ZNF804B: variants seen among roughly 807,000 people sequenced by gnomAD.
The protein encoded by ZNF804B is zinc finger 804B.
A neutral mutation model predicts 101.4 loss-of-function variants in ZNF804B; 80 were observed. The observed-to-expected ratio is 0.79, with a 90% CI of 0.66 to 0.95. The LOEUF is 0.95. Ranked by LOEUF, ZNF804B falls within the 40% of genes least tolerant of loss-of-function variation. The probability of loss-of-function intolerance (pLI) is 0.00; values close to 1 mark genes in which losing one functional copy is unlikely to be tolerated. For synonymous variants in ZNF804B, 622 were observed against 558.8 expected, an observed-to-expected ratio of 1.11 and a Z score of -1.59; for missense variants, 1,673 against 1,561.9, an observed-to-expected ratio of 1.07 and a Z score of -1.20.
intron 1 of ZNF804B, among the ~76,000 whole-genome samples, chr7:88,870,243 G>T (rs1791798520): frequency 6.6e-6 from 1 of 150,860 alleles, no homozygotes; most frequent in South Asian, 2.1e-4. Context: ...AAATTAGCCG[G>T]GCATGGTGGC....
intron 1 of ZNF804B, among the ~76,000 whole-genome samples, chr7:88,890,643 T>C (rs948215371): frequency 7.9e-5 from 12 of 152,280 alleles, no homozygotes; most frequent in Admixed American, 2.6e-4. Context: ...TTGCTTTTTT[T>C]CCCAAAATTT....
intron 1 of ZNF804B, among the ~76,000 whole-genome samples, chr7:89,157,085 C>T (rs1584022130): frequency 6.6e-6 from 1 of 152,098 alleles, no homozygotes; most frequent in East Asian, 1.9e-4. Context: ...GGTACAGGCT[C>T]TCTATTGGTG....
chr7:88,774,117 A>G (rs1201181358), intron 1 of ZNF804B, among the ~76,000 whole-genome samples: 1 of 151,880 alleles, frequency 6.6e-6, no homozygotes, highest in East Asian at 1.9e-4. Context: ...CAAAGCACTT[A>G]GGTCAGAGTT....
intron 1 of ZNF804B, among the ~76,000 whole-genome samples, chr7:89,068,000 A>G (rs927220785): frequency 2.0e-5 from 3 of 151,026 alleles, no homozygotes; most frequent in Non-Finnish European, 4.4e-5. Context: ...GAGAGTGTTT[A>G]TGTTAAAATA....
intron 2 of ZNF804B, among the ~76,000 whole-genome samples, chr7:89,294,387 T>G (rs1029524879): frequency 3.3e-5 from 5 of 152,324 alleles, no homozygotes; most frequent in African/African-American, 9.6e-5. Flanking sequence ...TGCTTCATTG[T>G]AGCCCAGTAA....
intron 2 of ZNF804B, among the ~76,000 whole-genome samples, chr7:89,264,259 A>T (rs538741834): frequency 2.0e-5 from 3 of 152,288 alleles, no homozygotes; most frequent in Admixed American, 2.0e-4. Context: ...GAAATAAAAA[A>T]TCCTGCAGGT....
At chr7:88,793,661 C>T (rs999906600) in intron 1 of ZNF804B, among the ~76,000 whole-genome samples, 13 of 152,026 alleles carry the variant, frequency 8.6e-5, no homozygotes, top group African/African-American at 3.1e-4. Flanking sequence ...CAAAGCCCTT[C>T]CTATATACTG....
At chr7:89,077,305 G>T (rs542060719) in intron 1 of ZNF804B, among the ~76,000 whole-genome samples, 1 of 152,200 alleles carries the variant, frequency 6.6e-6, no homozygotes, top group South Asian at 2.1e-4. Flanking sequence ...TGAATAATGG[G>T]TCATGGTATG....
intron 1 of ZNF804B, among the ~76,000 whole-genome samples, chr7:89,102,530 G>C (rs1790071087): frequency 6.6e-6 from 1 of 151,846 alleles, no homozygotes; most frequent in South Asian, 2.1e-4. Context: ...TTTGAATGGG[G>C]TTGTTTGTTG....
intron 3 of ZNF804B, among the ~76,000 whole-genome samples, chr7:89,330,335 A>G (rs1562947278): frequency 6.6e-6 from 1 of 151,604 alleles, no homozygotes; most frequent in Non-Finnish European, 1.5e-5. Flanking sequence ...ATAATACCGT[A>G]TTGTTTACTT....
At chr7:89,265,569 A>T (rs1370641344) in intron 2 of ZNF804B, among the ~76,000 whole-genome samples, 4 of 152,230 alleles carry the variant, frequency 2.6e-5, no homozygotes, top group Non-Finnish European at 5.9e-5. Flanking sequence ...ATACAGAAGG[A>T]TAGTAAAATC....
chr7:88,957,466 C>T (rs1196402567), intron 1 of ZNF804B, among the ~76,000 whole-genome samples: 1 of 151,230 alleles, frequency 6.6e-6, no homozygotes, highest in Non-Finnish European at 1.5e-5. Context: ...TAAATATTAC[C>T]TGAAAAGTAA....
chr7:89,331,767 A>AC (rs1790986768), intron 3 of ZNF804B, among the ~76,000 whole-genome samples: 2 of 151,634 alleles, frequency 1.3e-5, no homozygotes, highest in Non-Finnish European at 3.0e-5. Flanking sequence ...TGAACTATAG[A>AC]AAAAGACTGA....
intron 1 of ZNF804B, among the ~76,000 whole-genome samples, chr7:89,018,255 A>T (rs1317458775): frequency 6.6e-6 from 1 of 152,088 alleles, no homozygotes; most frequent in East Asian, 1.9e-4. Flanking sequence ...ATGTTTCTGC[A>T]TCTATTGAGA....
At chr7:89,330,995 A>C in intron 3 of ZNF804B, among the ~76,000 whole-genome samples, 1 of 150,772 alleles carries the variant, frequency 6.6e-6, no homozygotes, top group East Asian at 1.9e-4. Flanking sequence ...TATTAAGAAA[A>C]GTATATATAT....
intron 1 of ZNF804B, among the ~76,000 whole-genome samples, chr7:89,080,220 A>C (rs1001593531): frequency 5.9e-5 from 9 of 151,950 alleles, no homozygotes; most frequent in Middle Eastern, 3.4e-3. Flanking sequence ...ATCCTACTGA[A>C]GTTAATTAGA....
chr7:88,945,792 G>C lies in ZNF804B; in HGVS notation c.108+185708G>C, dbSNP rs1428483261. Among the ~76,000 whole-genome samples the C allele has an allele frequency of 2.6e-5, 4 of 152,056 alleles. No individual in the cohort carries two copies. In the East Asian group the frequency reaches 7.7e-4, roughly 29 times the overall value. On this transcript the variant is annotated intron_variant, in intron 1 of 3. Coordinates refer to ENST00000333190, the MANE Select transcript of ZNF804B (RefSeq NM_181646.5). ...GCAGTGGTTTGTAGTTCTCCTTGAA[G>C]AGATCCTTCACATCCCTTGTAAGTT...
At chr7:89,231,411 A>T (rs1386752288) in intron 2 of ZNF804B, among the ~76,000 whole-genome samples, 1 of 152,048 alleles carries the variant, frequency 6.6e-6, no homozygotes, top group African/African-American at 2.4e-5. Flanking sequence ...TCTTGTTTTT[A>T]ACAATTGTCA....
intron 1 of ZNF804B, among the ~76,000 whole-genome samples, chr7:88,954,649 TA>T (rs1454532487): frequency 6.6e-6 from 1 of 151,426 alleles, no homozygotes; most frequent in Admixed American, 6.6e-5. Flanking sequence ...AATGTCCAAG[TA>T]AAAAAGGGGC....
Sources: allele counts gnomAD v4.1 joint callset (sites outside exome capture counted in the v4.1 genomes callset), GRCh38; gene constraint gnomAD v4.1.1; transcripts MANE v1.5; gene names NCBI Gene and HGNC (gene_info 2026-07-23, HGNC 2026-07-21).